The following KLF9 variants were observed in gnomAD, a reference collection of about 807,000 sequenced individuals.
KLF9 encodes the protein Krueppel-like factor 9.
A neutral mutation model predicts 17.3 loss-of-function variants in KLF9; 2 were observed. The ratio of observed to expected loss-of-function variants is 0.12; its 90% CI spans 0.05 to 0.36. The LOEUF is 0.36. Ranked by LOEUF, KLF9 falls within the 10% of genes least tolerant of loss-of-function variation. The pLI, the probability that KLF9 is intolerant of heterozygous loss-of-function variation, is 1.00. For synonymous variants in KLF9, 138 were observed against 139.2 expected (o/e 0.99, Z 0.06); for missense variants, 226 against 333.2 (o/e 0.68, Z 2.51).
Position 70,413,079 on chromosome 9 carries a change from G to A in KLF9, c.285C>T (p.Ser95=). The change falls in exon 1 of 2, where the codon TCC becomes TCT. Residue 95 remains serine (S), a synonymous_variant. Coordinates refer to ENST00000377126, the MANE Select transcript of KLF9 (RefSeq NM_001206.4). The surrounding 1 kb of genome is among the most constrained non-coding windows in gnomAD (Gnocchi z 5.6). ...SLESPDEDMG[S]DSDVTTESGS... ...CAGATTCGGTGGTCACGTCGCTGTC[G>A]GATCCCATATCCTCATCTGGACTTT... 6.2e-7 allele frequency: 1 copy of A among 1,614,032 alleles called. No individual in the cohort carries two copies. The highest frequency in any genetic ancestry group is 8.5e-7 in the Non-Finnish European group (1 of 1,179,972).
intron 1 of KLF9, among the ~76,000 whole-genome samples, 180 bp from the exon 2 acceptor site, chr9:70,388,185 T>G (rs959306368): frequency 6.6e-6 from 1 of 152,132 alleles, no homozygotes; most frequent in African/African-American, 2.4e-5. Context: ...AGAAAATGAC[T>G]GCATTTGAAG....
At position 70,409,051 on chromosome 9, in the gene KLF9, CATATATGTGTAT is replaced by C. The variant is rs1429402183; in HGVS notation, c.505+3796_505+3807del. 6.9e-4 allele frequency among the ~76,000 whole-genome samples: 72 copies of C among 104,324 alleles called. 1 individual carries two copies. Among genetic ancestry groups the C allele is most frequent in the African/African-American group, 2.3e-3 (67 of 29,144 alleles). 68.4% of individuals were successfully genotyped at this position (104,324 alleles called of 152,430 possible). A position where few individuals can be genotyped will look rare whatever the true frequency, so the allele number is the denominator to read the frequency against. ...ATATATATATGTGTATATATATATA[CATATATGTGTAT>C]ATATATGTGTATATATATACACATA... On this transcript the variant is annotated intron_variant, in intron 1 of 1. Transcript: ENST00000377126.
In KLF9 at chr9:70,413,548, C is replaced by G; in HGVS notation, c.-185G>C. On this transcript the variant is annotated 5_prime_UTR_variant, in exon 1 of 2. Transcript: ENST00000377126. The surrounding 1 kb of genome is among the most constrained non-coding windows in gnomAD (Gnocchi z 5.6). ...CGCCGAGGCGACCTCAGCCCCTCATCTTTACGTAACCGGCAGCGCCTCCGC... is the reference window on the plus strand; with the variant it reads ...CGCCGAGGCGACCTCAGCCCCTCATGTTTACGTAACCGGCAGCGCCTCCGC... The G allele has an allele frequency of 2.2e-6, 1 of 449,076 alleles. No individual in the cohort carries two copies. Among genetic ancestry groups the G allele is most frequent in the African/African-American group, 2.1e-5 (1 of 48,042 alleles). The allele number at this position is 449,076 out of a possible 1,614,324, so 27.8% of individuals were successfully genotyped here.
chr9:70,402,342 T>C (rs536801944), intron 1 of KLF9, among the ~76,000 whole-genome samples: 23 of 152,350 alleles, frequency 1.5e-4, no homozygotes, highest in African/African-American at 5.5e-4. Flanking sequence ...TTTTGCCTCT[T>C]ATGATTTATT....
intron 1 of KLF9, among the ~76,000 whole-genome samples, chr9:70,409,218 A>G (rs527966558): frequency 4.5e-5 from 6 of 134,128 alleles, no homozygotes; most frequent in Non-Finnish European, 6.3e-5. Flanking sequence ...ATATACATAT[A>G]TGTATATATA....
intron 1 of KLF9, among the ~76,000 whole-genome samples, chr9:70,409,102 GTGTA>G (rs1229231188): frequency 1.2e-5 from 1 of 85,580 alleles, no homozygotes; most frequent in African/African-American, 3.6e-5. Flanking sequence ...GTATATATAT[GTGTA>G]TATATATACA....
At chr9:70,410,345 C>T (rs2037302440) in intron 1 of KLF9, among the ~76,000 whole-genome samples, 1 of 152,212 alleles carries the variant, frequency 6.6e-6, no homozygotes, top group South Asian at 2.1e-4. Flanking sequence ...CAGCAGCAAG[C>T]CTCCAGTTTG....
chr9:70,399,552 T>C (rs2037208367), intron 1 of KLF9, among the ~76,000 whole-genome samples: 1 of 152,254 alleles, frequency 6.6e-6, no homozygotes, highest in African/African-American at 2.4e-5. Flanking sequence ...ATCTTTGCAA[T>C]TTTGGTGATT....
intron 1 of KLF9, among the ~76,000 whole-genome samples, chr9:70,401,406 G>A (rs1477218938): frequency 6.6e-6 from 1 of 151,916 alleles, no homozygotes; most frequent in African/African-American, 2.4e-5. Context: ...ACAAAAATTA[G>A]CTGGGTGCGG....
chr9:70,389,163 T>C (rs1449565459), intron 1 of KLF9, among the ~76,000 whole-genome samples: 1 of 151,116 alleles, frequency 6.6e-6, no homozygotes, highest in Non-Finnish European at 1.5e-5. Context: ...AAAAAAGAAA[T>C]GTTTGTTCCT....
Position 70,385,414 on chromosome 9 carries a change from G to A in KLF9, c.*2362C>T, listed in dbSNP as rs1564084807. On this transcript the variant is annotated 3_prime_UTR_variant, in exon 2 of 2. Coordinates refer to ENST00000377126, the MANE Select transcript of KLF9 (RefSeq NM_001206.4). ...GTTTGTCAACAACTTGAAAAGGCAA[G>A]TAACAACTTTTTTGGGAAGTAAATT... 6.6e-6 allele frequency: 1 copy of A among 152,608 alleles called. No individual in the cohort carries two copies. The highest frequency in any genetic ancestry group is 1.5e-5 in the Non-Finnish European group (1 of 68,024). 9.5% of individuals were successfully genotyped at this position (152,608 alleles called of 1,614,324 possible).
chr9:70,409,016 A>G (rs1229084259), intron 1 of KLF9, among the ~76,000 whole-genome samples: 2 of 130,840 alleles, frequency 1.5e-5, no homozygotes, highest in East Asian at 4.5e-4. Flanking sequence ...ATATATACAC[A>G]TATATGTATA....
At chr9:70,409,062 ATATATATGTG>A (rs2037281340) in intron 1 of KLF9, among the ~76,000 whole-genome samples, 5 of 105,886 alleles carry the variant, frequency 4.7e-5, no homozygotes, top group African/African-American at 1.6e-4. Context: ...ATATATGTGT[ATATATATGTG>A]TATATATATA....
At position 70,411,855 on chromosome 9, in the gene KLF9, C is replaced by T. The variant is rs964636331; in HGVS notation, c.505+1004G>A. Among the ~76,000 whole-genome samples, 4 of 152,140 alleles carry T rather than the reference C, an allele frequency of 2.6e-5. No homozygotes were observed. The South Asian group carries it at 6.2e-4, about 24-fold the overall frequency. On this transcript the variant is annotated intron_variant, in intron 1 of 1. Transcript: ENST00000377126. The stretch of plus-strand genomic sequence containing the variant: ...ACCAAGCCCCGCTACCTCTGAATGG[C>T]GCTTGTAAAAGAACCATTCCGAAGA...
chr9:70,414,376 C>G lies in KLF9; in HGVS notation c.-1013G>C, dbSNP rs1037707490. On this transcript the variant is annotated 5_prime_UTR_variant, in exon 1 of 2. Transcript: ENST00000377126. ...AAACAGTTAAGTGACTTCCTGCAAA[C>G]GCTACAGTCCCAGCAACCAGCCTTC... 1 of 152,202 alleles carries G rather than the reference C, an allele frequency of 6.6e-6. No individual in the cohort carries two copies. Among genetic ancestry groups the G allele is most frequent in the African/African-American group, 2.4e-5 (1 of 41,442 alleles). The allele number at this position is 152,202 out of a possible 1,614,324, so 9.4% of individuals were successfully genotyped here.
At chr9:70,408,123 C>T (rs74369170) in intron 1 of KLF9, among the ~76,000 whole-genome samples, 5,820 of 152,226 alleles carry the variant, frequency 0.038, 149 homozygotes, top group East Asian at 0.094. Flanking sequence ...CCTGTAATCC[C>T]AGAACTTTGT....
chr9:70,398,477 G>C (rs908691311), intron 1 of KLF9, among the ~76,000 whole-genome samples: 41 of 151,808 alleles, frequency 2.7e-4, no homozygotes, highest in Non-Finnish European at 5.3e-4. Flanking sequence ...ACAAAAGACA[G>C]CAGATAACAG....
chr9:70,385,769 G>A lies in KLF9; in HGVS notation c.*2007C>T, dbSNP rs2118903044. 1 of 152,692 alleles carries A rather than the reference G, an allele frequency of 6.5e-6. No individual in the cohort carries two copies. Among genetic ancestry groups the A allele is most frequent in the Non-Finnish European group, 1.5e-5 (1 of 68,014 alleles). The allele number at this position is 152,692 out of a possible 1,614,324, so 9.5% of individuals were successfully genotyped here. ...TTTTGGACACAGAAATTAAAATTTG[G>A]TTTAAAATAAGTGTTTCAAAAATCT... is the stretch of plus-strand genomic sequence containing the variant. On this transcript the variant is annotated 3_prime_UTR_variant, in exon 2 of 2. Transcript: ENST00000377126.
chr9:70,385,620 C>G lies in KLF9; in HGVS notation c.*2156G>C, dbSNP rs2037104860. 1 of 152,494 alleles carries G rather than the reference C, an allele frequency of 6.6e-6. No individual in the cohort carries two copies. Among genetic ancestry groups the G allele is most frequent in the African/African-American group, 2.4e-5 (1 of 41,410 alleles). The allele number at this position is 152,494 out of a possible 1,614,324, so 9.4% of individuals were successfully genotyped here. A position where few individuals can be genotyped will look rare whatever the true frequency, so the allele number is the denominator to read the frequency against. Reference sequence around the variant, plus strand: ...CAAGTTAGCAAGTTGCTAGGCAACCCCAAACTCCTCACTCACTAAAAGGCA... The same window carrying G: ...CAAGTTAGCAAGTTGCTAGGCAACCGCAAACTCCTCACTCACTAAAAGGCA... On this transcript the variant is annotated 3_prime_UTR_variant, in exon 2 of 2. Coordinates refer to ENST00000377126, the MANE Select transcript of KLF9 (RefSeq NM_001206.4).
Sources: gnomAD v4.1 joint callset for allele counts (sites outside exome capture counted in the v4.1 genomes callset) on GRCh38, gnomAD v4.1.1 for gene constraint, Gnocchi (gnomAD v3.1) non-coding constraint, MANE v1.5 for transcripts, NCBI Gene and HGNC (gene_info 2026-07-23, HGNC 2026-07-21) for gene names.